PTPRE: variants seen among roughly 807,000 people sequenced by gnomAD.
PTPRE encodes receptor-type tyrosine-protein phosphatase epsilon.
In PTPRE, 51 loss-of-function variants were observed where a neutral mutation model predicts 102.0. The observed-to-expected ratio is 0.50, with a 90% confidence interval of 0.40 to 0.63. PTPRE has a LOEUF of 0.63. Ranked by LOEUF, PTPRE falls within the 30% of genes least tolerant of loss-of-function variation. The pLI, the probability that PTPRE is intolerant of heterozygous loss-of-function variation, is 0.00. For synonymous variants in PTPRE, 345 were observed against 348.2 expected, an observed-to-expected ratio of 0.99 and a Z score of 0.10; for missense variants, 752 against 915.1, an observed-to-expected ratio of 0.82 and a Z score of 2.30.
intron 1 of PTPRE, among the ~76,000 whole-genome samples, chr10:127,968,972 A>C (rs923582768): frequency 2.6e-5 from 4 of 152,230 alleles, no homozygotes; most frequent in African/African-American, 9.6e-5. Context: ...AAATATAAAC[A>C]CTTTCCTGGT....
chr10:127,964,949 C>T (rs1405466232), intron 1 of PTPRE: 1 of 455,542 alleles, frequency 2.2e-6, no homozygotes, highest in African/African-American at 2.0e-5. Context: ...AAGCTGTCTC[C>T]ATGAAGGACA....
intron 2 of PTPRE, among the ~76,000 whole-genome samples, chr10:128,026,026 C>G (rs1846263377): frequency 1.3e-5 from 2 of 152,194 alleles, no homozygotes; most frequent in Admixed American, 1.3e-4. Flanking sequence ...TTTCCAGCAC[C>G]CCGAGAGTCT....
At chr10:127,950,509 C>G (rs1177908233) in intron 1 of PTPRE, among the ~76,000 whole-genome samples, 1 of 152,208 alleles carries the variant, frequency 6.6e-6, no homozygotes, top group Non-Finnish European at 1.5e-5. Context: ...ACTGGTCTTT[C>G]ACCAAAACCT....
chr10:128,050,563 T>C (rs1380112948), intron 6 of PTPRE, among the ~76,000 whole-genome samples: 2 of 152,240 alleles, frequency 1.3e-5, no homozygotes, highest in Non-Finnish European at 2.9e-5. Flanking sequence ...TATTTATCCT[T>C]GGTCGTGTTT....
chr10:127,963,618 T>C (rs1850000972), intron 1 of PTPRE, among the ~76,000 whole-genome samples: 2 of 151,878 alleles, frequency 1.3e-5, no homozygotes, highest in South Asian at 4.2e-4. Context: ...AATCCTGGAG[T>C]TGTGGGGAAG....
At chr10:128,020,719 A>T (rs989248982) in intron 2 of PTPRE, among the ~76,000 whole-genome samples, 3 of 152,020 alleles carry the variant, frequency 2.0e-5, no homozygotes, top group Non-Finnish European at 4.4e-5. Flanking sequence ...TCCAGAGCCC[A>T]CCTCAGACAA....
At chr10:128,073,584 C>A (rs1850970203) in intron 17 of PTPRE, 113 bp downstream of exon 17, 2 of 1,284,574 alleles carry the variant, frequency 1.6e-6, no homozygotes, top group Non-Finnish European at 2.1e-6. Flanking sequence ...TGGGTGAGAC[C>A]AAGCCAGGAC....
At chr10:127,948,041 G>T (rs760997325) in intron 1 of PTPRE, among the ~76,000 whole-genome samples, 2 of 152,144 alleles carry the variant, frequency 1.3e-5, no homozygotes, top group African/African-American at 4.8e-5. Flanking sequence ...ATGCCCAAGG[G>T]TTTGGGTTTT....
chr10:127,962,078 G>C (rs909717334), intron 1 of PTPRE, among the ~76,000 whole-genome samples: 1 of 152,198 alleles, frequency 6.6e-6, no homozygotes, highest in Admixed American at 6.5e-5. Context: ...GTTTTCTTAA[G>C]CTCTAAATAA....
chr10:128,050,740 G>A (rs185152443), intron 6 of PTPRE, among the ~76,000 whole-genome samples: 3 of 152,288 alleles, frequency 2.0e-5, no homozygotes, highest in Admixed American at 2.0e-4. Context: ...ACCTAGGAAG[G>A]GGCAATGGAG....
At chr10:127,925,453 C>T (rs944262003) in intron 1 of PTPRE, among the ~76,000 whole-genome samples, 1 of 152,154 alleles carries the variant, frequency 6.6e-6, no homozygotes, top group African/African-American at 2.4e-5. Flanking sequence ...TATCCCGGAT[C>T]TGACTGGTTA....
At position 128,058,889 on chromosome 10, in the gene PTPRE, G is replaced by A. The variant is rs565864432; in HGVS notation, c.512-2050G>A. On this transcript the variant is annotated intron_variant, in intron 7 of 20. Coordinates refer to ENST00000254667, the MANE Select transcript of PTPRE (RefSeq NM_006504.6). ...ATAAGATGGTCCTTGGCTCTGGGCA[G>A]GCATGTGGCCCTGGGGAGCTCTGGG... Among the ~76,000 whole-genome samples, 31 of 152,330 alleles carry A rather than the reference G, an allele frequency of 2.0e-4. No homozygotes were observed. In the South Asian group the frequency reaches 6.0e-3, roughly 30 times the overall value.
chr10:128,056,717 C>T (rs888115876), intron 7 of PTPRE, among the ~76,000 whole-genome samples: 12 of 152,078 alleles, frequency 7.9e-5, no homozygotes, highest in African/African-American at 2.7e-4. Flanking sequence ...GGCTCTGAAT[C>T]GACCTGATTT....
chr10:128,030,875 C>T (rs983361641), intron 2 of PTPRE, among the ~76,000 whole-genome samples: 1 of 152,200 alleles, frequency 6.6e-6, no homozygotes, highest in Non-Finnish European at 1.5e-5. Flanking sequence ...CCAGGCAGCC[C>T]TCCAGACCCC....
chr10:128,071,859 T>C, intron 15 of PTPRE: 1 of 315,918 alleles, frequency 3.2e-6, no homozygotes, highest in South Asian at 4.5e-5. Flanking sequence ...ATTTACTCCT[T>C]CAGCGCAATA....
At chr10:128,046,877 G>A (rs1278636209) in intron 3 of PTPRE, among the ~76,000 whole-genome samples, 2 of 152,196 alleles carry the variant, frequency 1.3e-5, no homozygotes, top group Non-Finnish European at 2.9e-5. Flanking sequence ...CTGACAGGTG[G>A]AATCGGGACC....
intron 18 of PTPRE, 44 bp from the exon 19 acceptor site, chr10:128,077,573 C>A: frequency 6.4e-7 from 1 of 1,567,758 alleles, no homozygotes; most frequent in East Asian, 2.3e-5. Flanking sequence ...GGGGCCTGTT[C>A]CCCGGCAGGC....
intron 2 of PTPRE, among the ~76,000 whole-genome samples, chr10:127,983,537 G>A (rs1564848350): frequency 6.6e-6 from 1 of 152,158 alleles, no homozygotes; most frequent in East Asian, 1.9e-4. Context: ...TTGGCTGGTC[G>A]ATACTGGTTT....
rs771409276 is a variant in PTPRE at position 128,028,356 on chromosome 10, G to T, written c.-7-12519G>T. On this transcript the variant is annotated intron_variant, in intron 2 of 20. Coordinates refer to ENST00000254667, the MANE Select transcript of PTPRE (RefSeq NM_006504.6). This position sits in a 1 kb window ranked among gnomAD's most constrained non-coding sequence, Gnocchi z 4.5. ...CGGGTCACACACAGCCACACTCGGGGATTAGGACCTGAAGGATATCATTGA... is the reference window on the plus strand; with the variant it reads ...CGGGTCACACACAGCCACACTCGGGTATTAGGACCTGAAGGATATCATTGA... Among the ~76,000 whole-genome samples, 2 of 152,150 alleles carry T rather than the reference G, an allele frequency of 1.3e-5. No homozygotes were observed. The highest frequency in any genetic ancestry group is 2.9e-5 in the Non-Finnish European group (2 of 68,004).
Sources: allele counts gnomAD v4.1 joint callset (sites outside exome capture counted in the v4.1 genomes callset), GRCh38; gene constraint gnomAD v4.1.1; non-coding constraint Gnocchi (gnomAD v3.1); transcripts MANE v1.5; gene names NCBI Gene and HGNC (gene_info 2026-07-23, HGNC 2026-07-21).